Variants in RYR2 observed in about 807,000 individuals in gnomAD.
RYR2 encodes cardiac muscle ryanodine receptor-calcium release channel.
RYR2 carries 227 observed loss-of-function variants against 601.1 expected under a neutral mutation model. That is an observed-to-expected ratio of 0.38 (90% CI 0.34 to 0.42). RYR2 has a LOEUF of 0.42. Ranked by LOEUF, RYR2 falls within the 10% of genes least tolerant of loss-of-function variation. The pLI is 1.00. For synonymous variants in RYR2, 2,223 were observed against 2,175.1 expected, an observed-to-expected ratio of 1.02 and a Z score of -0.61; for missense variants, 4,646 against 6,156.5, an observed-to-expected ratio of 0.75 and a Z score of 8.21.
chr1:237,225,400 G>C (rs1424740014), intron 1 of RYR2, among the ~76,000 whole-genome samples: 1 of 152,166 alleles, frequency 6.6e-6, no homozygotes, highest in South Asian at 2.1e-4. Flanking sequence ...AGGGCGAAAG[G>C]CACGTCTTAC....
At chr1:237,639,764 C>A (rs1278765772) in intron 46 of RYR2, among the ~76,000 whole-genome samples, 1 of 152,088 alleles carries the variant, frequency 6.6e-6, no homozygotes, top group African/African-American at 2.4e-5. Flanking sequence ...ATAAGTAAAT[C>A]CAGGTGTGAT....
At chr1:237,176,265 AAAAAATG>A (rs1678045261) in intron 1 of RYR2, among the ~76,000 whole-genome samples, 1 of 14,860 alleles carries the variant, frequency 6.7e-5, no homozygotes. Flanking sequence ...ATATATATAT[AAAAAATG>A]AAATATATAA....
At chr1:237,803,372 C>A (rs922061743) in intron 98 of RYR2, among the ~76,000 whole-genome samples, 45 of 151,870 alleles carry the variant, frequency 3.0e-4, no homozygotes, top group Non-Finnish European at 4.7e-4. Context: ...GGCACACTCT[C>A]CGCTCACTGC....
intron 63 of RYR2, among the ~76,000 whole-genome samples, chr1:237,695,621 G>A (rs1273259187): frequency 6.6e-6 from 1 of 152,098 alleles, no homozygotes; most frequent in African/African-American, 2.4e-5. Flanking sequence ...TGACATTTCT[G>A]ATTATGGTAA....
intron 12 of RYR2, among the ~76,000 whole-genome samples, chr1:237,423,581 CAAATG>C (rs1705806901): frequency 2.6e-5 from 4 of 152,028 alleles, no homozygotes; most frequent in African/African-American, 7.2e-5. Flanking sequence ...TATACGTCAT[CAAATG>C]AAAGGTGTTT....
intron 84 of RYR2, among the ~76,000 whole-genome samples, chr1:237,769,201 G>A (rs1323422893): frequency 6.6e-6 from 1 of 152,048 alleles, no homozygotes; most frequent in Non-Finnish European, 1.5e-5. Context: ...CCTATGTAAT[G>A]AACTCATAAT....
At chr1:237,082,535 A>ATATATATG (rs1347685302) in intron 1 of RYR2, among the ~76,000 whole-genome samples, 1 of 111,636 alleles carries the variant, frequency 9.0e-6, no homozygotes, top group Admixed American at 8.9e-5. Context: ...ATATATATAT[A>ATATATATG]TATATATATA....
intron 61 of RYR2, among the ~76,000 whole-genome samples, 165 bp from the exon 62 acceptor site, chr1:237,680,291 G>T (rs900660921): frequency 2.6e-5 from 4 of 152,168 alleles, no homozygotes; most frequent in Non-Finnish European, 5.9e-5. Flanking sequence ...TGTGGCTGGA[G>T]ACGGTAGAGT....
chr1:237,469,285 T>TTGAG, intron 17 of RYR2, 98 bp downstream of exon 17: 1 of 586,520 alleles, frequency 1.7e-6, no homozygotes, highest in South Asian at 2.3e-5. Context: ...AAAAACAACT[T>TTGAG]TGAGTGAGGT....
intron 1 of RYR2, among the ~76,000 whole-genome samples, chr1:237,172,533 A>G (rs1021302350): frequency 1.3e-5 from 2 of 152,188 alleles, no homozygotes; most frequent in African/African-American, 4.8e-5. Context: ...CAGTGCTCCA[A>G]TGAGAACATT....
At chr1:237,735,695 A>C (rs552831654) in intron 79 of RYR2, among the ~76,000 whole-genome samples, 1 of 152,224 alleles carries the variant, frequency 6.6e-6, no homozygotes, top group East Asian at 1.9e-4. Context: ...GACTAATGGC[A>C]TAGTATTTGC....
chr1:237,294,368 A>T (rs1692536139), intron 2 of RYR2, among the ~76,000 whole-genome samples: 3 of 152,102 alleles, frequency 2.0e-5, no homozygotes, highest in Admixed American at 2.0e-4. Context: ...AGCTACTACC[A>T]ATCAGTAGTA....
intron 1 of RYR2, among the ~76,000 whole-genome samples, chr1:237,217,644 G>A (rs1366924464): frequency 6.6e-6 from 1 of 152,110 alleles, no homozygotes; most frequent in Non-Finnish European, 1.5e-5. Flanking sequence ...CAGCGGTGGT[G>A]GTGATAATAC....
chr1:237,135,288 G>A (rs1672640463), intron 1 of RYR2, among the ~76,000 whole-genome samples: 1 of 151,708 alleles, frequency 6.6e-6, no homozygotes, highest in African/African-American at 2.4e-5. Context: ...ACTATCTTGG[G>A]GAACAGAAGT....
chr1:237,080,813 A>G (rs1665524968), intron 1 of RYR2, among the ~76,000 whole-genome samples: 2 of 105,740 alleles, frequency 1.9e-5, no homozygotes, highest in Non-Finnish European at 3.9e-5. Flanking sequence ...TCATGCTGCT[A>G]TAAAGACACA....
intron 1 of RYR2, among the ~76,000 whole-genome samples, chr1:237,077,817 A>G (rs1267831385): frequency 1.3e-5 from 2 of 152,090 alleles, no homozygotes; most frequent in Non-Finnish European, 2.9e-5. Flanking sequence ...AATCAACAGA[A>G]TATACATTTT....
At chr1:237,324,026 A>G (rs968545168) in intron 2 of RYR2, among the ~76,000 whole-genome samples, 2 of 152,204 alleles carry the variant, frequency 1.3e-5, no homozygotes, top group African/African-American at 2.4e-5. Context: ...ACCCAGAACT[A>G]TGAACAGAGG....
At chr1:237,604,361 TC>T (rs1676863948) in intron 35 of RYR2, among the ~76,000 whole-genome samples, 1 of 152,098 alleles carries the variant, frequency 6.6e-6, no homozygotes, top group South Asian at 2.1e-4. Context: ...ATAAAGATGT[TC>T]TTTGAAACCA....
chr1:237,513,113 C>A (rs1004734417), intron 24 of RYR2, among the ~76,000 whole-genome samples: 1 of 152,176 alleles, frequency 6.6e-6, no homozygotes, highest in East Asian at 1.9e-4. Context: ...CCAGTAAAGG[C>A]AAATTTGCTT....
Sources: gnomAD v4.1 joint callset for allele counts (sites outside exome capture counted in the v4.1 genomes callset) on GRCh38, gnomAD v4.1.1 for gene constraint, MANE v1.5 for transcripts, NCBI Gene and HGNC (gene_info 2026-07-23, HGNC 2026-07-21) for gene names.